ABL2: variants seen among roughly 807,000 people sequenced by gnomAD.
The protein encoded by ABL2 is tyrosine-protein kinase ABL2.
In ABL2, 49 loss-of-function variants were observed where a neutral mutation model predicts 107.7. That is an observed-to-expected ratio of 0.45 (90% CI 0.36 to 0.58). ABL2 has a LOEUF of 0.58. Among genes scored for constraint, ABL2 ranks in the 20% least tolerant of loss-of-function variants. ABL2 has a pLI of 0.00. For missense variants in ABL2, 1,245 were observed against 1,457.0 expected (o/e 0.85, Z 2.37); for synonymous variants, 549 against 548.6 (o/e 1.00, Z -0.01).
intron 5 of ABL2, among the ~76,000 whole-genome samples, 171 bp downstream of exon 5, chr1:179,121,424 T>C (rs1655185582): frequency 1.3e-5 from 2 of 152,374 alleles, no homozygotes; most frequent in East Asian, 1.9e-4. Flanking sequence ...GTGAATAATC[T>C]ACCTCTGCAT....
At position 179,110,400 on chromosome 1, in the gene ABL2, C is replaced by A. The variant is rs1653935458; in HGVS notation, c.1707G>T (p.Leu569=). The A allele has an allele frequency of 2.5e-6, 4 of 1,614,034 alleles. No homozygotes were observed. The highest frequency in any genetic ancestry group is 3.4e-6 in the Non-Finnish European group (4 of 1,180,034). Residue 569 remains leucine, a synonymous_variant, in exon 11 of 12, where the codon CTG becomes CTT. Coordinates refer to ENST00000502732, the MANE Select transcript of ABL2 (RefSeq NM_007314.4). ...TGGAAGGAAGTATAGGTAGCCGGGG[C>A]AGGTATGGAACAACAGATGACGAGG... ...AASSSSVVPY[L]PRLPILPSKT...
intron 1 of ABL2, among the ~76,000 whole-genome samples, chr1:179,156,211 C>T (rs1294522951): frequency 6.6e-6 from 1 of 152,196 alleles, no homozygotes; most frequent in Non-Finnish European, 1.5e-5. Context: ...ACACTCCCTA[C>T]ATATATTTGG....
intron 1 of ABL2, among the ~76,000 whole-genome samples, chr1:179,213,453 G>A (rs1662398800): frequency 6.6e-6 from 1 of 151,928 alleles, no homozygotes; most frequent in African/African-American, 2.4e-5. Context: ...ACAGGCATGA[G>A]CCACCGTGCC....
At position 179,229,170 on chromosome 1, in the gene ABL2, G is replaced by GGCCCCCCCCCCCCCCCCCCCCCCCCCCCC; in HGVS notation, c.157+70_157+71insGGGGGGGGGGGGGGGGGGGGGGGGGGGGC. On this transcript the variant is annotated intron_variant, in intron 1 of 11. Transcript: ENST00000502732. ...CTCCGACCCCTCGGGCAGCCCGTCC[G>GGCCCCCCCCCCCCCCCCCCCCCCCCCCCC]CCACCCACCCCGCCCCGACCCCACC... The GGCCCCCCCCCCCCCCCCCCCCCCCCCCCC allele has an allele frequency of 1.5e-5, 4 of 266,256 alleles. 1 individual carries two copies. Among genetic ancestry groups the GGCCCCCCCCCCCCCCCCCCCCCCCCCCCC allele is most frequent in the Non-Finnish European group, 1.4e-5 (2 of 148,000 alleles). 16.5% of individuals were successfully genotyped at this position (266,256 alleles called of 1,614,324 possible).
chr1:179,227,833 A>G (rs970270346), intron 1 of ABL2, among the ~76,000 whole-genome samples: 1 of 151,948 alleles, frequency 6.6e-6, no homozygotes, highest in African/African-American at 2.4e-5. Flanking sequence ...CGGGTGGATC[A>G]TGAGGTCAGG....
rs1432405663 is a variant in ABL2 at position 179,166,790 on chromosome 1, A to AG, written c.158-33417_158-33416insC. ...AGACTTCATCTCAAAAAAAAAAAAA[A>AG]AAAAGAAAAAATGTTCTGTATCACT... is the stretch of plus-strand genomic sequence containing the variant. On this transcript the variant is annotated intron_variant, in intron 1 of 11. Transcript: ENST00000502732. Among the ~76,000 whole-genome samples the AG allele has an allele frequency of 5.3e-5, 8 of 151,862 alleles. No individual in the cohort carries two copies. The East Asian group carries it at 9.7e-4, about 18-fold the overall frequency.
At chr1:179,218,273 C>T (rs1042525393) in intron 1 of ABL2, among the ~76,000 whole-genome samples, 4 of 152,200 alleles carry the variant, frequency 2.6e-5, no homozygotes, top group African/African-American at 9.7e-5. Flanking sequence ...TGGTATAAGA[C>T]TGTGGTGACT....
intron 1 of ABL2, among the ~76,000 whole-genome samples, chr1:179,222,300 G>A (rs1454208702): frequency 1.3e-5 from 2 of 152,134 alleles, no homozygotes; most frequent in Admixed American, 1.3e-4. Context: ...CGTGATCTCA[G>A]CTCACTGCAA....
intron 1 of ABL2, among the ~76,000 whole-genome samples, chr1:179,198,858 T>A (rs201830666): frequency 2.8e-5 from 4 of 144,842 alleles, no homozygotes; most frequent in Non-Finnish European, 4.6e-5. Context: ...TTTTTTTTTT[T>A]AAAGATGGAG....
chr1:179,119,827 C>G (rs1436594219), intron 6 of ABL2, among the ~76,000 whole-genome samples: 7 of 152,188 alleles, frequency 4.6e-5, no homozygotes, highest in Admixed American at 3.9e-4. Context: ...GCAATTAGTA[C>G]AAACTGAGCA....
In ABL2 at chr1:179,106,400, T is replaced by A; in HGVS notation, c.*1318A>T. On this transcript the variant is annotated 3_prime_UTR_variant, in exon 12 of 12. Coordinates refer to ENST00000502732, the MANE Select transcript of ABL2 (RefSeq NM_007314.4). The stretch of plus-strand genomic sequence containing the variant: ...CCCTGAAAATGACTACTCCTTCAAT[T>A]ATGCATTCTTAAAATAGAAGTGAAA... The A allele has an allele frequency of 4.3e-6, 1 of 231,950 alleles. No individual in the cohort carries two copies. Among genetic ancestry groups the A allele is most frequent in the Non-Finnish European group, 8.5e-6 (1 of 117,288 alleles). 14.4% of individuals were successfully genotyped at this position (231,950 alleles called of 1,614,324 possible). A position where few individuals can be genotyped will look rare whatever the true frequency, so the allele number is the denominator to read the frequency against.
chr1:179,109,073 C>T lies in ABL2; in HGVS notation c.2194G>A (p.Gly732Ser), dbSNP rs148512062. Residue 732 changes from glycine (G) to serine (S), a missense_variant, in exon 12 of 12, where the codon GGT becomes AGT. Transcript: ENST00000502732. ...FAQRNLCNDD[G>S]GGGGGSGTAG... is the part of the protein sequence containing the mutation. The stretch of plus-strand genomic sequence containing the variant: ...GTGCCACTGCCCCCACCCCCACCAC[C>T]GTCGTCATTACAGAGGTTCCTCTGT... The T allele has an allele frequency of 9.3e-6, 15 of 1,610,392 alleles. No homozygotes were observed. The highest frequency in any genetic ancestry group is 4.1e-5 in the African/African-American group (3 of 74,032).
chr1:179,142,525 T>C (rs970167814), intron 1 of ABL2, among the ~76,000 whole-genome samples: 4 of 152,226 alleles, frequency 2.6e-5, no homozygotes, highest in African/African-American at 9.6e-5. Context: ...GAAATTAATA[T>C]TACAAATTTT....
chr1:179,102,861 AAATGTCAATGTCATT>A lies in ABL2; in HGVS notation c.*4842_*4856del, dbSNP rs1653218250. 8.8e-6 allele frequency: 2 copies of A among 226,118 alleles called. No homozygotes were observed. Among genetic ancestry groups the A allele is most frequent in the South Asian group, 3.7e-4 (2 of 5,452 alleles). 14.0% of individuals were successfully genotyped at this position (226,118 alleles called of 1,614,324 possible). On this transcript the variant is annotated 3_prime_UTR_variant, in exon 12 of 12. Coordinates refer to ENST00000502732, the MANE Select transcript of ABL2 (RefSeq NM_007314.4). ...TTTAGAAAAAGAAAAAAAAGATGAC[AAATGTCAATGTCATT>A]TATAACTGGTAGGAAATCCTAGAAA...
chr1:179,120,742 T>C (rs1025157320), intron 5 of ABL2, among the ~76,000 whole-genome samples: 2 of 152,056 alleles, frequency 1.3e-5, no homozygotes, highest in African/African-American at 2.4e-5. Context: ...TTTTAAGAAG[T>C]CCAACTTAGA....
In ABL2 at chr1:179,180,492, A is replaced by G. The variant is rs1275333725; in HGVS notation, c.158-47118T>C. On this transcript the variant is annotated intron_variant, in intron 1 of 11. Transcript: ENST00000502732. ...GAATGAGACTCTGCTGCTAAGGCCT[A>G]CCACCTCTCTACCCCCATGTTCTAT... Among the ~76,000 whole-genome samples, 3 of 152,252 alleles carry G rather than the reference A, an allele frequency of 2.0e-5. No homozygotes were observed. The South Asian group carries it at 6.2e-4, about 32-fold the overall frequency.
At chr1:179,130,057 A>G (rs538551187) in intron 3 of ABL2, among the ~76,000 whole-genome samples, 2 of 152,356 alleles carry the variant, frequency 1.3e-5, no homozygotes, top group East Asian at 3.9e-4. Flanking sequence ...ATCCTGCCTC[A>G]GCCTCCTGAG....
chr1:179,112,685 G>C (rs772385849), intron 9 of ABL2, among the ~76,000 whole-genome samples: 3 of 151,622 alleles, frequency 2.0e-5, no homozygotes, highest in Non-Finnish European at 4.4e-5. Context: ...GACCTCCTGG[G>C]TTCAAACAAT....
chr1:179,179,866 C>T lies in ABL2; in HGVS notation c.158-46492G>A, dbSNP rs145502901. On this transcript the variant is annotated intron_variant, in intron 1 of 11. Coordinates refer to ENST00000502732, the MANE Select transcript of ABL2 (RefSeq NM_007314.4). Reference sequence around the variant, plus strand: ...TTGTAATCCCAGGACTTTGGAAGGGCGAGGCAGGGGGATGACTTGAGGTCA... The same window carrying T: ...TTGTAATCCCAGGACTTTGGAAGGGTGAGGCAGGGGGATGACTTGAGGTCA... 5.2e-3 allele frequency among the ~76,000 whole-genome samples: 793 copies of T among 151,120 alleles called. 7 individuals are homozygous for T. The highest frequency in any genetic ancestry group is 0.018 in the African/African-American group (749 of 41,106).
Sources: gnomAD v4.1 joint callset for allele counts (sites outside exome capture counted in the v4.1 genomes callset) on GRCh38, gnomAD v4.1.1 for gene constraint, MANE v1.5 for transcripts, NCBI Gene and HGNC (gene_info 2026-07-23, HGNC 2026-07-21) for gene names.